The following RNF19A variants were observed in gnomAD, a reference collection of about 807,000 sequenced individuals.
RNF19A encodes the protein ring finger protein 19A, RBR E3 ubiquitin protein ligase, also known as E3 ubiquitin-protein ligase RNF19A.
Under a neutral mutation model 75.7 loss-of-function variants are expected in RNF19A, and 32 were observed. The observed-to-expected ratio is 0.42, with a 90% CI of 0.32 to 0.57. The LOEUF is 0.57. RNF19A is among the 20% of genes least tolerant of loss of function. The pLI is 0.10. For synonymous variants in RNF19A, 335 were observed against 345.2 expected, an observed-to-expected ratio of 0.97 and a Z score of 0.33; for missense variants, 782 against 1,036.3, an observed-to-expected ratio of 0.75 and a Z score of 3.37.
chr8:100,258,095 TAC>T lies in RNF19A; in HGVS notation c.*459_*460del, dbSNP rs1328173822. ...TTTATGCCGATATAAATAGAAATGT[TAC>T]AGAGTATCATATACTGAGAGTAACC... On this transcript the variant is annotated 3_prime_UTR_variant, in exon 10 of 10. Coordinates refer to ENST00000341084, the MANE Select transcript of RNF19A (RefSeq NM_183419.4). This position sits in a 1 kb window ranked among gnomAD's most constrained non-coding sequence, Gnocchi z 4.3. 4.3e-5 allele frequency: 17 copies of T among 398,830 alleles called. No individual in the cohort carries two copies. The highest frequency in any genetic ancestry group is 2.2e-5 in the Non-Finnish European group (5 of 226,090). The allele number at this position is 398,830 out of a possible 1,614,324, so 24.7% of individuals were successfully genotyped here. A position where few individuals can be genotyped will look rare whatever the true frequency, so the allele number is the denominator to read the frequency against.
intron 1 of RNF19A, among the ~76,000 whole-genome samples, chr8:100,328,677 G>T (rs1822572060): frequency 6.6e-6 from 1 of 151,992 alleles, no homozygotes; most frequent in Non-Finnish European, 1.5e-5. Flanking sequence ...TCACCATGTT[G>T]GTCAGGCTAG....
chr8:100,278,700 T>C (rs1788197), intron 2 of RNF19A, among the ~76,000 whole-genome samples: 70,087 of 151,864 alleles, frequency 0.46, 17,084 homozygotes, highest in African/African-American at 0.63. Flanking sequence ...TAGAAGGCTG[T>C]TCAATATACT....
chr8:100,258,566 G>T lies in RNF19A; in HGVS notation c.2507C>A (p.Thr836Asn). 1 of 1,608,106 alleles carries T rather than the reference G, an allele frequency of 6.2e-7. No homozygotes were observed. Among genetic ancestry groups the T allele is most frequent in the Non-Finnish European group, 8.5e-7 (1 of 1,176,740 alleles). Residue 836 changes from threonine (T) to asparagine (N), a missense_variant, in exon 10 of 10, where the codon ACT becomes AAT. Thr to Asn is a moderately conservative substitution (Grantham distance 65). Coordinates refer to ENST00000341084, the MANE Select transcript of RNF19A (RefSeq NM_183419.4). This position sits in a 1 kb window ranked among gnomAD's most constrained non-coding sequence, Gnocchi z 4.3. The part of the protein sequence containing the change: ...QTMELKVAIQ[T>N]EI ...GCAGCATTTATGGGCCTAAATTTCA[G>T]TCTGAATTGCAACTTTTAATTCCAT...
rs762185957 is a variant in RNF19A at position 100,274,825 on chromosome 8, T to C, written c.883+128A>G. ...TTCCATAGGAAAGAATGAGTGCTTCTGGGATAGAAATGCACTTAAAAACAC... is the reference window on the plus strand; with the variant it reads ...TTCCATAGGAAAGAATGAGTGCTTCCGGGATAGAAATGCACTTAAAAACAC... On this transcript the variant is annotated intron_variant, in intron 3 of 9. Coordinates refer to ENST00000341084, the MANE Select transcript of RNF19A (RefSeq NM_183419.4). 4.6e-5 allele frequency: 31 copies of C among 670,376 alleles called. No individual in the cohort carries two copies. In the Middle Eastern group the frequency reaches 1.2e-3, roughly 27 times the overall value. The allele number at this position is 670,376 out of a possible 1,614,324, so 41.5% of individuals were successfully genotyped here. A position where few individuals can be genotyped will look rare whatever the true frequency, so the allele number is the denominator to read the frequency against.
chr8:100,279,506 T>G (rs1334383020), intron 2 of RNF19A, among the ~76,000 whole-genome samples: 1 of 152,034 alleles, frequency 6.6e-6, no homozygotes, highest in African/African-American at 2.4e-5. Flanking sequence ...CCCAAGTAAC[T>G]GAGATTACAA....
At position 100,264,070 on chromosome 8, in the gene RNF19A, T is replaced by C. The variant is rs1274495741; in HGVS notation, c.1432A>G (p.Asn478Asp). Residue 478 changes from asparagine (N) to aspartate (D), a missense_variant, in exon 7 of 10, where the codon AAT becomes GAT. Transcript: ENST00000341084. The surrounding 1 kb of genome is among the most constrained non-coding windows in gnomAD (Gnocchi z 4.7). ...TTAGTTCCACCAACATTTATATCAT[T>C]TTCATCATCAAATTCAATCCTAACT... Reference protein sequence around the residue: ...KGVRIEFDDENDINVGGTNTA... With the variant: ...KGVRIEFDDEDDINVGGTNTA... The C allele has an allele frequency of 1.2e-6, 2 of 1,613,670 alleles. No homozygotes were observed. The highest frequency in any genetic ancestry group is 1.7e-6 in the Non-Finnish European group (2 of 1,179,718).
intron 1 of RNF19A, among the ~76,000 whole-genome samples, chr8:100,295,508 GACTC>G (rs1821513920): frequency 6.6e-6 from 1 of 152,034 alleles, no homozygotes; most frequent in Non-Finnish European, 1.5e-5. Context: ...CTCAACCCTA[GACTC>G]ACTATTTTGG....
intron 1 of RNF19A, among the ~76,000 whole-genome samples, chr8:100,304,653 G>T (rs6991563): frequency 0.13 from 19,914 of 152,116 alleles, 3,987 homozygotes; most frequent in African/African-American, 0.43. Flanking sequence ...TAGATGAGAG[G>T]TTTAAAATCT....
At chr8:100,262,185 C>A (rs1343748469) in intron 7 of RNF19A, among the ~76,000 whole-genome samples, 1 of 152,186 alleles carries the variant, frequency 6.6e-6, no homozygotes, top group African/African-American at 2.4e-5. Context: ...CAGTACCTCT[C>A]ACACATTTTG....
At chr8:100,268,681 T>G (rs1374531123) in intron 5 of RNF19A, 104 bp downstream of exon 5, 6 of 552,500 alleles carry the variant, frequency 1.1e-5, no homozygotes, top group Non-Finnish European at 1.1e-5. Context: ...ATACCCTTTG[T>G]CTAAAAAAAA....
Position 100,287,604 on chromosome 8 carries a change from T to G in RNF19A, c.571A>C (p.Ile191Leu). 1.2e-6 allele frequency: 2 copies of G among 1,614,174 alleles called. No individual in the cohort carries two copies. Among genetic ancestry groups the G allele is most frequent in the Non-Finnish European group, 1.7e-6 (2 of 1,180,000 alleles). Residue 191 changes from isoleucine to leucine, a missense_variant, in exon 2 of 10, where the codon ATA (isoleucine) becomes CTA (leucine). Ile to Leu is a conservative substitution (Grantham distance 5). Transcript: ENST00000341084. This position sits in a 1 kb window ranked among gnomAD's most constrained non-coding sequence, Gnocchi z 4.1. ...ERFNPHDIRL[I>L]LSDDVLMEKY... ...TCCATCAAGACATCATCACTTAATA[T>G]CAAGCGAATATCATGGGGATTAAAC...
At chr8:100,326,436 G>A (rs571453385) in intron 1 of RNF19A, among the ~76,000 whole-genome samples, 105 of 152,108 alleles carry the variant, frequency 6.9e-4, no homozygotes, top group African/African-American at 2.4e-3. Context: ...AATTCTAACT[G>A]AGAATCAAAA....
At chr8:100,306,349 T>C (rs762035522) in intron 1 of RNF19A, among the ~76,000 whole-genome samples, 1 of 152,212 alleles carries the variant, frequency 6.6e-6, no homozygotes, top group Non-Finnish European at 1.5e-5. Flanking sequence ...GAGTTTCATG[T>C]AACAAAACCT....
chr8:100,269,845 A>T lies in RNF19A; in HGVS notation c.1028+24T>A. ...ACAATATAAAATTACATTTACATAT[A>T]AATAGCTCCTTCTATAAGCTTACCT... is the stretch of plus-strand genomic sequence containing the variant. On this transcript the variant is annotated intron_variant, in intron 4 of 9. Coordinates refer to ENST00000341084, the MANE Select transcript of RNF19A (RefSeq NM_183419.4). This position sits in a 1 kb window ranked among gnomAD's most constrained non-coding sequence, Gnocchi z 5.7. 1 of 1,549,242 alleles carries T rather than the reference A, an allele frequency of 6.5e-7. No homozygotes were observed. The highest frequency in any genetic ancestry group is 8.7e-7 in the Non-Finnish European group (1 of 1,148,568).
At position 100,264,908 on chromosome 8, in the gene RNF19A, G is replaced by C. The variant is rs1819899693; in HGVS notation, c.1192-123C>G. ...TAGAAGTTCGTAGCTGAGTATCTTA[G>C]TTCAAGGTAAACCTACTAGTGTCCT... On this transcript the variant is annotated intron_variant, in intron 5 of 9. Coordinates refer to ENST00000341084, the MANE Select transcript of RNF19A (RefSeq NM_183419.4). This position sits in a 1 kb window ranked among gnomAD's most constrained non-coding sequence, Gnocchi z 4.7. The C allele has an allele frequency of 1.4e-6, 1 of 691,934 alleles. No individual in the cohort carries two copies. The highest frequency in any genetic ancestry group is 2.5e-6 in the Non-Finnish European group (1 of 401,746). 42.9% of individuals were successfully genotyped at this position (691,934 alleles called of 1,614,324 possible). A position where few individuals can be genotyped will look rare whatever the true frequency, so the allele number is the denominator to read the frequency against.
In RNF19A at chr8:100,333,733, A is replaced by C. The variant is rs1267737862; in HGVS notation, c.-243+2375T>G. Among the ~76,000 whole-genome samples the C allele has an allele frequency of 6.6e-6, 1 of 152,166 alleles. No individual in the cohort carries two copies. The highest frequency in any genetic ancestry group is 1.5e-5 in the Non-Finnish European group (1 of 68,028). The stretch of plus-strand genomic sequence containing the variant: ...CTTAGGAGGCTGAGGTGGGAGGATC[A>C]CTTGAGCCCAGGAGTTCAATGGTGT... On this transcript the variant is annotated intron_variant, in intron 1 of 3. Coordinates refer to the RNF19A transcript ENST00000519527. The surrounding 1 kb of genome is among the most constrained non-coding windows in gnomAD (Gnocchi z 4.7).
intron 1 of RNF19A, among the ~76,000 whole-genome samples, chr8:100,297,512 C>T (rs1036388621): frequency 6.6e-6 from 1 of 152,184 alleles, no homozygotes. Flanking sequence ...CATTATTAGT[C>T]CTGGCCAATG....
At chr8:100,289,694 G>A (rs1216280699) in intron 1 of RNF19A, among the ~76,000 whole-genome samples, 1 of 152,174 alleles carries the variant, frequency 6.6e-6, no homozygotes, top group East Asian at 1.9e-4. Flanking sequence ...CTACTCGTGG[G>A]AGTGTAAAAT....
intron 1 of RNF19A, among the ~76,000 whole-genome samples, chr8:100,321,213 A>C (rs1822461738): frequency 6.6e-6 from 1 of 152,222 alleles, no homozygotes; most frequent in South Asian, 2.1e-4. Context: ...CCCACAGTAG[A>C]AGTTCTTTCA....
Sources: gnomAD v4.1 joint callset for allele counts (sites outside exome capture counted in the v4.1 genomes callset) on GRCh38, gnomAD v4.1.1 for gene constraint, Gnocchi (gnomAD v3.1) non-coding constraint, MANE v1.5 for transcripts, NCBI Gene and HGNC (gene_info 2026-07-23, HGNC 2026-07-21) for gene names.